Variants in BTG4 observed in about 807,000 individuals in gnomAD.
BTG4 encodes the protein protein BTG4.
In BTG4, 10 loss-of-function variants were observed where a neutral mutation model predicts 19.3. That is an observed-to-expected ratio of 0.52 (90% confidence interval 0.32 to 0.88). BTG4 has a LOEUF of 0.88. Ranked by LOEUF, BTG4 falls within the 40% of genes least tolerant of loss-of-function variation. BTG4 has a pLI of 0.04. For missense variants in BTG4, 238 were observed against 281.9 expected (o/e 0.84, Z 1.11); for synonymous variants, 91 against 95.7 (o/e 0.95, Z 0.29).
chr11:111,440,437 A>G, the BTG4 span, among the ~76,000 whole-genome samples: 10 of 152,314 alleles, frequency 6.6e-5, no homozygotes, highest in South Asian at 2.1e-4. Context: ...CCTGGTCCCA[A>G]TGTCTAAATA....
At chr11:111,410,460 C>T in the BTG4 span, among the ~76,000 whole-genome samples, 3 of 152,152 alleles carry the variant, frequency 2.0e-5, no homozygotes, top group African/African-American at 7.2e-5. Flanking sequence ...CTTTCATTTC[C>T]ACAACCCTAT....
the BTG4 span, among the ~76,000 whole-genome samples, chr11:111,390,229 C>T: frequency 6.6e-6 from 1 of 152,216 alleles, no homozygotes; most frequent in East Asian, 1.9e-4. Flanking sequence ...TCCATCCATT[C>T]ATTCATTCAT....
the BTG4 span, among the ~76,000 whole-genome samples, chr11:111,443,224 A>T: frequency 6.6e-6 from 1 of 152,244 alleles, no homozygotes; most frequent in Non-Finnish European, 1.5e-5. Flanking sequence ...ACATTCCTCA[A>T]AACTGTCAAG....
chr11:111,490,959 A>T (rs1865379296), downstream of BTG4, among the ~76,000 whole-genome samples: 1 of 152,222 alleles, frequency 6.6e-6, no homozygotes, highest in Non-Finnish European at 1.5e-5. Flanking sequence ...TTTATTCCTA[A>T]TAACCAGAAA....
the BTG4 span, chr11:111,457,872 G>C: frequency 6.6e-6 from 1 of 152,458 alleles, no homozygotes; most frequent in East Asian, 1.9e-4. Flanking sequence ...GGAGGGCTGC[G>C]AGATGCTTCG....
At chr11:111,441,728 C>T in the BTG4 span, among the ~76,000 whole-genome samples, 6 of 152,242 alleles carry the variant, frequency 3.9e-5, no homozygotes, top group South Asian at 4.1e-4. Flanking sequence ...CCATGGTTGA[C>T]GGGCAGGGGA....
chr11:111,447,155 A>G, the BTG4 span, among the ~76,000 whole-genome samples: 3 of 152,186 alleles, frequency 2.0e-5, no homozygotes, highest in African/African-American at 7.2e-5. Context: ...ATTAATGACA[A>G]GGCCAGGACC....
downstream of BTG4, among the ~76,000 whole-genome samples, chr11:111,491,898 T>C (rs1318388328): frequency 6.6e-6 from 1 of 152,070 alleles, no homozygotes; most frequent in Admixed American, 6.5e-5. Flanking sequence ...TTTTCAAGTA[T>C]ATTGACTACT....
At chr11:111,434,722 T>C in the BTG4 span, among the ~76,000 whole-genome samples, 1 of 149,630 alleles carries the variant, frequency 6.7e-6, no homozygotes, top group Non-Finnish European at 1.5e-5. Context: ...AAAAAAAGTT[T>C]GTCCGTAGTG....
At chr11:111,407,362 A>G in the BTG4 span, among the ~76,000 whole-genome samples, 2 of 152,172 alleles carry the variant, frequency 1.3e-5, no homozygotes, top group Admixed American at 1.3e-4. Context: ...GGTTAGAGAA[A>G]GATGTAGTTA....
At position 111,498,078 on chromosome 11, in the gene BTG4, C is replaced by T; in HGVS notation, c.231G>A (p.Val77=). ...GGTGAGAAAAATCTACATTACTTTC[C>T]ACACATGCCCTTTCTAGAATGGGAT... ...NKDPILERAC[V]ESNVDFSHLG... is the part of the protein sequence containing the mutation. The change falls in exon 3 of 5, where the codon GTG becomes GTA. Residue 77 remains valine, a synonymous_variant. Transcript: ENST00000692032. 1 of 1,614,128 alleles carries T rather than the reference C, an allele frequency of 6.2e-7. No individual in the cohort carries two copies. The highest frequency in any genetic ancestry group is 8.5e-7 in the Non-Finnish European group (1 of 1,179,974).
chr11:111,461,671 G>A, the BTG4 span, among the ~76,000 whole-genome samples: 3 of 151,678 alleles, frequency 2.0e-5, no homozygotes, highest in Admixed American at 1.3e-4. Flanking sequence ...CCGAGATTGC[G>A]CCATTGCCCT....
chr11:111,402,050 T>C, the BTG4 span, among the ~76,000 whole-genome samples: 1 of 152,140 alleles, frequency 6.6e-6, no homozygotes, highest in African/African-American at 2.4e-5. Context: ...ATTGTAATAA[T>C]CCCCACATGT....
chr11:111,415,040 G>A, the BTG4 span: 1 of 152,182 alleles, frequency 6.6e-6, no homozygotes, highest in African/African-American at 2.4e-5. Flanking sequence ...AAATGACTAT[G>A]AGCACAAACT....
rs550378301 is a variant in BTG4 at position 111,510,760 on chromosome 11, G to A, written c.-27+1421C>T. Among the ~76,000 whole-genome samples, 273 of 151,978 alleles carry A rather than the reference G, an allele frequency of 1.8e-3. 1 individual carries two copies. The highest frequency in any genetic ancestry group is 6.0e-3 in the African/African-American group (250 of 41,422). On this transcript the variant is annotated intron_variant, in intron 1 of 4. Coordinates refer to ENST00000692032, the MANE Select transcript of BTG4 (RefSeq NM_001367975.1). ...ATTTCAGTAGGCAATGCATCTTCAT[G>A]ACTTTTACATATGAGTTTTATTTTT...
chr11:111,477,925 T>C (rs1469651392), intron 5 of BTG4, among the ~76,000 whole-genome samples: 1 of 152,136 alleles, frequency 6.6e-6, no homozygotes, highest in African/African-American at 2.4e-5. Flanking sequence ...TCTTTGCCAG[T>C]ATGGATCAAG....
intron 1 of BTG4, among the ~76,000 whole-genome samples, chr11:111,505,034 C>T (rs1866352997): frequency 6.6e-6 from 1 of 151,878 alleles, no homozygotes; most frequent in Non-Finnish European, 1.5e-5. Context: ...GTTAAAATAA[C>T]CATATTACCC....
At chr11:111,399,530 G>T in the BTG4 span, among the ~76,000 whole-genome samples, 1 of 152,152 alleles carries the variant, frequency 6.6e-6, no homozygotes, top group Non-Finnish European at 1.5e-5. Context: ...CTAGCCCCAG[G>T]GGAAGTGGGT....
chr11:111,448,814 G>A, the BTG4 span: 1 of 152,282 alleles, frequency 6.6e-6, no homozygotes, highest in South Asian at 2.1e-4. Context: ...ATAAAATACA[G>A]GGTACCCAGT....
Sources: allele counts gnomAD v4.1 joint callset (sites outside exome capture counted in the v4.1 genomes callset), GRCh38; gene constraint gnomAD v4.1.1; transcripts MANE v1.5; gene names NCBI Gene and HGNC (gene_info 2026-07-23, HGNC 2026-07-21).